The following L3MBTL4 variants were observed in gnomAD, a reference collection of about 807,000 sequenced individuals.
L3MBTL4 encodes the protein lethal(3)malignant brain tumor-like protein 4.
Under a neutral mutation model 84.5 loss-of-function variants are expected in L3MBTL4, and 70 were observed. The observed-to-expected ratio is 0.83, with a 90% CI of 0.68 to 1.01. The LOEUF is 1.01. Among genes scored for constraint, L3MBTL4 ranks in the 50% least tolerant of loss-of-function variants. The pLI is 0.00. For missense variants in L3MBTL4, 715 were observed against 754.8 expected (o/e 0.95, Z 0.62); for synonymous variants, 274 against 259.8 (o/e 1.05, Z -0.52).
chr18:6,315,582 A>C (rs1377322107), intron 1 of L3MBTL4, among the ~76,000 whole-genome samples: 4 of 152,244 alleles, frequency 2.6e-5, no homozygotes, highest in Non-Finnish European at 4.4e-5. Flanking sequence ...TGCAACAGGC[A>C]AGTAACCAGA....
chr18:6,008,080 G>A (rs1415042440), intron 16 of L3MBTL4, among the ~76,000 whole-genome samples: 2 of 152,206 alleles, frequency 1.3e-5, no homozygotes, highest in Non-Finnish European at 1.5e-5. Context: ...TCTGTAAGAT[G>A]TGGTTTCTTT....
chr18:6,133,081 T>G (rs1568175394), intron 14 of L3MBTL4, among the ~76,000 whole-genome samples: 1 of 152,100 alleles, frequency 6.6e-6, no homozygotes, highest in Non-Finnish European at 1.5e-5. Context: ...AAGGAGGCAT[T>G]AAGATGGCCA....
rs568228645 is a variant in L3MBTL4 at position 6,104,029 on chromosome 18, G to A, written c.1200-10501C>T. ...GGGGCACTGCAAAAGCATGCATTTC[G>A]GATCTCAATTCAAAAGGTGGCCCAG... On this transcript the variant is annotated intron_variant, in intron 14 of 18. Transcript: ENST00000317931. Among the ~76,000 whole-genome samples, 6 of 152,270 alleles carry A rather than the reference G, an allele frequency of 3.9e-5. No homozygotes were observed. In the South Asian group the frequency reaches 6.2e-4, roughly 16 times the overall value.
chr18:6,298,658 A>G (rs2050204971), intron 4 of L3MBTL4, among the ~76,000 whole-genome samples: 2 of 152,306 alleles, frequency 1.3e-5, no homozygotes, highest in South Asian at 4.1e-4. Context: ...GGATCACCTG[A>G]GGTCAGGAGT....
chr18:6,276,208 T>C (rs939242878), intron 4 of L3MBTL4, among the ~76,000 whole-genome samples: 11 of 152,346 alleles, frequency 7.2e-5, no homozygotes, highest in African/African-American at 2.6e-4. Flanking sequence ...CTTACATATA[T>C]TGACTGATGT....
At chr18:6,083,681 C>T (rs1379707312) in intron 15 of L3MBTL4, among the ~76,000 whole-genome samples, 1 of 152,160 alleles carries the variant, frequency 6.6e-6, no homozygotes, top group Non-Finnish European at 1.5e-5. Context: ...TGGCCCATAG[C>T]TTTTATATAG....
chr18:6,103,163 A>C (rs1253123148), intron 14 of L3MBTL4, among the ~76,000 whole-genome samples: 1 of 152,232 alleles, frequency 6.6e-6, no homozygotes, highest in East Asian at 1.9e-4. Context: ...TGCAGTTTAA[A>C]ATTTTTTACC....
intron 16 of L3MBTL4, among the ~76,000 whole-genome samples, chr18:6,050,020 G>A (rs555532971): frequency 6.6e-6 from 1 of 152,004 alleles, no homozygotes; most frequent in South Asian, 2.1e-4. Flanking sequence ...AAATTCTATC[G>A]CAAAACATAG....
intron 13 of L3MBTL4, 23 bp downstream of exon 13, chr18:6,171,805 A>G (rs375098748): frequency 7.2e-7 from 1 of 1,381,112 alleles, no homozygotes. Flanking sequence ...TTAAAAAGCA[A>G]CAACAAAGAG....
At chr18:6,071,676 A>C (rs2057609262) in intron 16 of L3MBTL4, among the ~76,000 whole-genome samples, 1 of 84,550 alleles carries the variant, frequency 1.2e-5, no homozygotes, top group Non-Finnish European at 2.3e-5. Context: ...AAGGAAAAAA[A>C]GAAAGAGAGA....
At chr18:6,113,808 G>A (rs146681828) in intron 14 of L3MBTL4, among the ~76,000 whole-genome samples, 4 of 152,142 alleles carry the variant, frequency 2.6e-5, no homozygotes, top group East Asian at 1.9e-4. Context: ...GATATTGAAC[G>A]CCCAGTAACA....
intron 15 of L3MBTL4, among the ~76,000 whole-genome samples, chr18:6,087,628 G>T (rs2058301140): frequency 6.6e-6 from 1 of 152,076 alleles, no homozygotes; most frequent in Non-Finnish European, 1.5e-5. Flanking sequence ...TGATTAAGGG[G>T]CTTAATTTAG....
At chr18:6,170,965 C>A (rs764151329) in intron 13 of L3MBTL4, among the ~76,000 whole-genome samples, 1 of 152,146 alleles carries the variant, frequency 6.6e-6, no homozygotes, top group African/African-American at 2.4e-5. Context: ...GCCTTCATCT[C>A]TTTGATTTTG....
chr18:6,314,343 G>C (rs2050986938), intron 1 of L3MBTL4, among the ~76,000 whole-genome samples: 1 of 151,984 alleles, frequency 6.6e-6, no homozygotes, highest in African/African-American at 2.4e-5. Context: ...AGTTTTTAGA[G>C]TTAAAAAAAG....
intron 13 of L3MBTL4, among the ~76,000 whole-genome samples, chr18:6,156,278 C>T (rs2043099880): frequency 6.6e-6 from 1 of 152,164 alleles, no homozygotes; most frequent in Non-Finnish European, 1.5e-5. Context: ...GTGCCTTTAT[C>T]ATCATGGCCA....
intron 14 of L3MBTL4, among the ~76,000 whole-genome samples, chr18:6,123,444 A>T (rs544061694): frequency 5.9e-5 from 9 of 152,116 alleles, no homozygotes; most frequent in Non-Finnish European, 1.2e-4. Flanking sequence ...TGTTCTCATG[A>T]TAGTGAATAA....
chr18:6,189,366 G>A (rs926524408), intron 12 of L3MBTL4, among the ~76,000 whole-genome samples: 18 of 152,134 alleles, frequency 1.2e-4, no homozygotes, highest in African/African-American at 4.1e-4. Context: ...AGAGGTGGAC[G>A]AATCTTTTGT....
intron 1 of L3MBTL4, chr18:6,356,679 C>G (rs1158909713): frequency 6.6e-6 from 1 of 152,160 alleles, no homozygotes; most frequent in Non-Finnish European, 1.5e-5. Context: ...ATGGAGGTCA[C>G]TTACCATGAA....
intron 4 of L3MBTL4, among the ~76,000 whole-genome samples, chr18:6,278,946 T>C (rs1214368004): frequency 2.0e-5 from 3 of 152,102 alleles, no homozygotes; most frequent in Non-Finnish European, 4.4e-5. Flanking sequence ...TGGAACATAC[T>C]GGTTTCTGGC....
Sources: gnomAD v4.1 joint callset for allele counts (sites outside exome capture counted in the v4.1 genomes callset) on GRCh38, gnomAD v4.1.1 for gene constraint, MANE v1.5 for transcripts, NCBI Gene and HGNC (gene_info 2026-07-23, HGNC 2026-07-21) for gene names.